ABHD10: variants seen among roughly 807,000 people sequenced by gnomAD.
The protein encoded by ABHD10 is palmitoyl-protein thioesterase ABHD10, mitochondrial.
Under a neutral mutation model 33.1 loss-of-function variants are expected in ABHD10, and 22 were observed. That is an observed-to-expected ratio of 0.66 (90% CI 0.47 to 0.95). ABHD10 has a LOEUF of 0.95. Among genes scored for constraint, ABHD10 ranks in the 40% least tolerant of loss-of-function variants. The probability of loss-of-function intolerance (pLI) is 0.00; values close to 1 mark genes in which losing one functional copy is unlikely to be tolerated. For synonymous variants in ABHD10, 146 were observed against 133.9 expected (o/e 1.09, Z -0.62); for missense variants, 352 against 379.9 (o/e 0.93, Z 0.61).
chr3:111,983,096 AAC>A (rs1335941816), intron 2 of ABHD10, among the ~76,000 whole-genome samples: 1 of 152,158 alleles, frequency 6.6e-6, no homozygotes. Context: ...AGGGTGGGGA[AAC>A]ACAAGATAAA....
chr3:111,985,308 TTAA>T (rs1451766667), intron 2 of ABHD10, among the ~76,000 whole-genome samples: 9 of 152,272 alleles, frequency 5.9e-5, no homozygotes, highest in African/African-American at 1.9e-4. Flanking sequence ...TTTGATACCC[TTAA>T]GGAGAGGTAA....
intron 1 of ABHD10, among the ~76,000 whole-genome samples, chr3:111,981,179 G>A (rs181113738): frequency 1.3e-5 from 2 of 151,914 alleles, no homozygotes; most frequent in East Asian, 3.9e-4. Context: ...TGGTACATGC[G>A]TGTAGTGCAG....
chr3:111,986,080 G>C (rs907364497), intron 2 of ABHD10, among the ~76,000 whole-genome samples, 184 bp from the exon 3 acceptor site: 1 of 152,194 alleles, frequency 6.6e-6, no homozygotes, highest in Non-Finnish European at 1.5e-5. Context: ...TGGAGGAGGT[G>C]AGAAAGTGAT....
chr3:111,982,315 T>C (rs867959883), intron 2 of ABHD10: 1 of 172,318 alleles, frequency 5.8e-6, no homozygotes. Flanking sequence ...TTAAGGACTT[T>C]ATTTGATCAC....
In ABHD10 at chr3:111,981,877, T is replaced by C. The variant is rs751196718; in HGVS notation, c.236T>C (p.Ile79Thr). ...CTAAAAGGCAAAAGTCCAGGAATTA[T>C]CTTCATCCCTGGCTATCTTTCTTAT... ...KKLKGKSPGI[I>T]FIPGYLSYMN... The change falls in exon 2 of 5, where the codon ATC becomes ACC. Residue 79 changes from isoleucine to threonine, a missense_variant. Ile to Thr is a moderately conservative substitution (Grantham distance 89, BLOSUM62 -1). Coordinates refer to ENST00000273359, the MANE Select transcript of ABHD10 (RefSeq NM_018394.4). 1.2e-6 allele frequency: 2 copies of C among 1,608,200 alleles called. No homozygotes were observed. The highest frequency in any genetic ancestry group is 1.7e-5 in the Admixed American group (1 of 59,970).
intron 3 of ABHD10, among the ~76,000 whole-genome samples, chr3:111,986,670 C>T (rs1417859700): frequency 2.0e-5 from 3 of 152,154 alleles, no homozygotes; most frequent in South Asian, 2.1e-4. Flanking sequence ...CTCCTGACCT[C>T]GTGATCCGCC....
chr3:111,983,078 TTTCA>T lies in ABHD10; in HGVS notation c.326+1116_326+1119del, dbSNP rs145236624. ...AACATTGTACTTGCCTATGAGGACC[TTTCA>T]TTCAGGGTGGGGAAACACAAGATAA... On this transcript the variant is annotated intron_variant, in intron 2 of 4. Transcript: ENST00000273359. 2.1e-3 allele frequency among the ~76,000 whole-genome samples: 326 copies of T among 152,252 alleles called. 9 individuals are homozygous for T. The highest frequency in any genetic ancestry group is 0.017 in the Admixed American group (263 of 15,292).
chr3:111,984,619 T>C (rs2072630214), intron 2 of ABHD10, among the ~76,000 whole-genome samples: 1 of 152,100 alleles, frequency 6.6e-6, no homozygotes, highest in African/African-American at 2.4e-5. Flanking sequence ...GTGAAATCAA[T>C]CTGAAATGAC....
rs2107714362 is a variant in ABHD10, at chr3:111,991,401, G to A, written c.601G>A (p.Gly201Ser). 1.2e-6 allele frequency: 2 copies of A among 1,608,616 alleles called. No individual in the cohort carries two copies. Among genetic ancestry groups the A allele is most frequent in the East Asian group, 4.5e-5 (2 of 44,804 alleles). The stretch of plus-strand genomic sequence containing the variant: ...GCTAAAAAAGGAAGTAGAGATGAAA[G>A]GTGTGTGGAGCATGCCATCAAAATA... Reference protein sequence around the residue: ...VELKKEVEMKGVWSMPSKYSE... With the variant: ...VELKKEVEMKSVWSMPSKYSE... The change falls in exon 5 of 5, where the codon GGT (glycine) becomes AGT (serine). Residue 201 changes from glycine (G) to serine (S), a missense_variant. Physicochemically the swap from Gly to Ser is moderately conservative, Grantham distance 56 (BLOSUM62 0). Coordinates refer to ENST00000273359, the MANE Select transcript of ABHD10 (RefSeq NM_018394.4).
chr3:111,990,700 G>T (rs1393943616), intron 4 of ABHD10: 2 of 1,414,716 alleles, frequency 1.4e-6, no homozygotes, highest in Non-Finnish European at 1.9e-6. Context: ...TCTTTTATAG[G>T]ACTCTGGAAG....
chr3:111,981,723 A>G (rs2072587363), intron 1 of ABHD10, 61 bp from the exon 2 acceptor site: 1 of 1,358,828 alleles, frequency 7.4e-7, no homozygotes, highest in Non-Finnish European at 9.9e-7. Context: ...TCGAAAATAT[A>G]TATGGTTTTC....
chr3:111,981,424 C>T (rs180981443), intron 1 of ABHD10, among the ~76,000 whole-genome samples: 2 of 151,634 alleles, frequency 1.3e-5, no homozygotes, highest in Non-Finnish European at 1.5e-5. Context: ...GAAACTATTG[C>T]GGGTAAATCT....
intron 2 of ABHD10, 152 bp downstream of exon 2, chr3:111,982,119 A>T: frequency 1.5e-6 from 1 of 656,908 alleles, no homozygotes; most frequent in Non-Finnish European, 2.2e-6. Flanking sequence ...GGGTAATTTT[A>T]AAAGCAACCT....
chr3:111,987,121 T>C, intron 4 of ABHD10, 70 bp downstream of exon 4: 1 of 1,528,596 alleles, frequency 6.5e-7, no homozygotes, highest in East Asian at 2.3e-5. Flanking sequence ...CCTCTTTCTT[T>C]GAGGGAAGGG....
At position 111,983,166 on chromosome 3, in the gene ABHD10, A is replaced by G. The variant is rs2072607457; in HGVS notation, c.326+1199A>G. Among the ~76,000 whole-genome samples the G allele has an allele frequency of 2.0e-5, 3 of 152,198 alleles. No homozygotes were observed. In the South Asian group the frequency reaches 6.2e-4, roughly 31 times the overall value. ...CAGAATGTGATTGTGTCAAAAGAAC[A>G]GTATACTTAATTGCATAAAGTTAGA... On this transcript the variant is annotated intron_variant, in intron 2 of 4. Coordinates refer to ENST00000273359, the MANE Select transcript of ABHD10 (RefSeq NM_018394.4).
At position 111,991,406 on chromosome 3, in the gene ABHD10, G is replaced by A. The variant is rs1430159981; in HGVS notation, c.606G>A (p.Val202=). 4.3e-6 allele frequency: 7 copies of A among 1,612,202 alleles called. No individual in the cohort carries two copies. Among genetic ancestry groups the A allele is most frequent in the Admixed American group, 3.4e-5 (2 of 59,370 alleles). Reference sequence around the variant, plus strand: ...AAAAGGAAGTAGAGATGAAAGGTGTGTGGAGCATGCCATCAAAATACTCTG... The same window carrying A: ...AAAAGGAAGTAGAGATGAAAGGTGTATGGAGCATGCCATCAAAATACTCTG... ...ELKKEVEMKG[V]WSMPSKYSEE... The change falls in exon 5 of 5, where the codon GTG becomes GTA. Residue 202 remains valine, a synonymous_variant. Coordinates refer to ENST00000273359, the MANE Select transcript of ABHD10 (RefSeq NM_018394.4).
At position 111,987,091 on chromosome 3, in the gene ABHD10, C is replaced by T. The variant is rs80012895; in HGVS notation, c.576+40C>T. The T allele has an allele frequency of 2.6e-3, 4,134 of 1,592,818 alleles. 82 individuals carry two copies. The African/African-American group carries it at 0.049, about 19-fold the overall frequency. On this transcript the variant is annotated intron_variant, in intron 4 of 4. Coordinates refer to ENST00000273359, the MANE Select transcript of ABHD10 (RefSeq NM_018394.4). ...ACTTTTGCCACCTCAATATATTTAC[C>T]GCTTATACTTCTTCTGCTCCCTCTT...
chr3:111,980,793 AC>A (rs1452340377), intron 1 of ABHD10, among the ~76,000 whole-genome samples: 1 of 152,172 alleles, frequency 6.6e-6, no homozygotes, highest in Non-Finnish European at 1.5e-5. Context: ...CAAAAACGAT[AC>A]TATCATATGT....
chr3:111,991,647 G>A lies in ABHD10; in HGVS notation c.847G>A (p.Glu283Lys), dbSNP rs766930538. The A allele has an allele frequency of 1.2e-6, 2 of 1,613,438 alleles. No homozygotes were observed. Among genetic ancestry groups the A allele is most frequent in the Admixed American group, 1.7e-5 (1 of 59,848 alleles). Residue 283 changes from glutamate to lysine, a missense_variant, in exon 5 of 5, where the codon GAA becomes AAA. By Grantham distance (56) the Glu-to-Lys change is moderately conservative. Transcript: ENST00000273359. ...LRKHSDHRMREKADIQLLVYT... is the reference protein window; with the variant it reads ...LRKHSDHRMRKKADIQLLVYT... ...AAAACACAGTGATCACCGAATGAGG[G>A]AAAAAGCAGACATTCAACTTCTTGT...
Sources: allele counts gnomAD v4.1 joint callset (sites outside exome capture counted in the v4.1 genomes callset), GRCh38; gene constraint gnomAD v4.1.1; transcripts MANE v1.5; gene names NCBI Gene and HGNC (gene_info 2026-07-23, HGNC 2026-07-21).